The following KLHL7 variants were observed in gnomAD, a reference collection of about 807,000 sequenced individuals.
The protein encoded by KLHL7 is kelch-like protein 7.
In KLHL7, 44 loss-of-function variants were observed where a neutral mutation model predicts 67.4. The ratio of observed to expected loss-of-function variants is 0.65; its 90% CI spans 0.51 to 0.84. The LOEUF (loss-of-function observed/expected upper bound fraction) is 0.84. Ranked by LOEUF, KLHL7 falls within the 40% of genes least tolerant of loss-of-function variation. The probability of loss-of-function intolerance (pLI) is 0.00; values close to 1 mark genes in which losing one functional copy is unlikely to be tolerated. For synonymous variants in KLHL7, 252 were observed against 243.3 expected (o/e 1.04, Z -0.33); for missense variants, 362 against 718.1 (o/e 0.50, Z 5.67).
intron 8 of KLHL7, 83 bp downstream of exon 8, chr7:23,166,021 GTAT>G (rs1784994865): frequency 1.1e-5 from 16 of 1,424,498 alleles, no homozygotes; most frequent in Non-Finnish European, 1.6e-5. Context: ...TAAACAGCTG[GTAT>G]TATTTGTCCA....
At chr7:23,169,113 T>C (rs1423270798) in intron 9 of KLHL7, among the ~76,000 whole-genome samples, 2 of 151,988 alleles carry the variant, frequency 1.3e-5, no homozygotes, top group African/African-American at 4.8e-5. Flanking sequence ...ATACAAAAAC[T>C]AGCTGGGTGT....
At chr7:23,124,540 A>G in intron 2 of KLHL7, 148 bp from the exon 3 acceptor site, 1 of 697,314 alleles carries the variant, frequency 1.4e-6, no homozygotes, top group Non-Finnish European at 2.6e-6. Context: ...CATTGACTAT[A>G]GAAATGTTGG....
intron 6 of KLHL7, among the ~76,000 whole-genome samples, chr7:23,151,830 GC>G (rs1201231913): frequency 1.3e-5 from 2 of 151,902 alleles, no homozygotes; most frequent in African/African-American, 4.8e-5. Flanking sequence ...CATAGTAGTT[GC>G]TTACTGGGTG....
chr7:23,162,794 T>A (rs1340646959), intron 7 of KLHL7, among the ~76,000 whole-genome samples: 1 of 152,202 alleles, frequency 6.6e-6, no homozygotes, highest in African/African-American at 2.4e-5. Context: ...AATAATGGCT[T>A]AAGAGAAAGT....
chr7:23,169,966 T>C lies in KLHL7; in HGVS notation c.1379+1929T>C, dbSNP rs554222835. ...GGTTCATACCTGTAATCCCAGCACT[T>C]TGGGAGGCCGAGGCTGGTGGATCGT... is the stretch of plus-strand genomic sequence containing the variant. On this transcript the variant is annotated intron_variant, in intron 9 of 10. Transcript: ENST00000339077. 2.0e-5 allele frequency among the ~76,000 whole-genome samples: 3 copies of C among 152,290 alleles called. No homozygotes were observed. The South Asian group carries it at 6.2e-4, about 32-fold the overall frequency.
At chr7:23,129,941 GGCATGTATAAGAATGTAT>G (rs544759811) in intron 4 of KLHL7, 2,558 of 152,754 alleles carry the variant, frequency 0.017, 37 homozygotes, top group Non-Finnish European at 0.027. Context: ...TAAGAATGTA[GGCATGTATAAGAATGTAT>G]GCATGTATAA....
intron 7 of KLHL7, among the ~76,000 whole-genome samples, chr7:23,165,300 A>T (rs905662771): frequency 6.6e-6 from 1 of 152,242 alleles, no homozygotes; most frequent in Non-Finnish European, 1.5e-5. Context: ...CTTATATCAC[A>T]CTATATATCT....
At chr7:23,171,229 G>A (rs1384527569) in intron 9 of KLHL7, 2 of 297,710 alleles carry the variant, frequency 6.7e-6, no homozygotes, top group Non-Finnish European at 1.4e-5. Context: ...CAGATAGCGG[G>A]GACCTAGTAT....
intron 4 of KLHL7, among the ~76,000 whole-genome samples, chr7:23,133,469 TCA>T (rs1246330954): frequency 1.3e-5 from 2 of 152,160 alleles, no homozygotes; most frequent in African/African-American, 4.8e-5. Flanking sequence ...CCTTGCTCTG[TCA>T]CCCAAGCTGG....
At chr7:23,111,675 A>C (rs1048171081) in intron 1 of KLHL7, among the ~76,000 whole-genome samples, 8 of 152,070 alleles carry the variant, frequency 5.3e-5, no homozygotes, top group African/African-American at 1.7e-4. Flanking sequence ...ACAAAAAATT[A>C]GCCAGGCATA....
chr7:23,124,139 C>T lies in KLHL7; in HGVS notation c.223+260C>T, dbSNP rs187756423. Among the ~76,000 whole-genome samples, 175 of 121,014 alleles carry T rather than the reference C, an allele frequency of 1.4e-3. 1 individual carries two copies. The highest frequency in any genetic ancestry group is 4.9e-3 in the African/African-American group (151 of 31,036). 79.4% of individuals were successfully genotyped at this position (121,014 alleles called of 152,430 possible). A position where few individuals can be genotyped will look rare whatever the true frequency, so the allele number is the denominator to read the frequency against. On this transcript the variant is annotated intron_variant, in intron 2 of 10. Coordinates refer to ENST00000339077, the MANE Select transcript of KLHL7 (RefSeq NM_001031710.3). ...GGTTGAGGTGGAGGTTGCAGTGAGCCGAGATTGCACCACTGCACTCCATCC... is the reference window on the plus strand; with the variant it reads ...GGTTGAGGTGGAGGTTGCAGTGAGCTGAGATTGCACCACTGCACTCCATCC...
rs900917944 is a variant in KLHL7 at position 23,124,170 on chromosome 7, G to A, written c.223+291G>A. The stretch of plus-strand genomic sequence containing the variant: ...TGCACCACTGCACTCCATCCTGGGC[G>A]TCAGAGCGAGACTCTGTCTCAAAAA... On this transcript the variant is annotated intron_variant, in intron 2 of 10. Transcript: ENST00000339077. Among the ~76,000 whole-genome samples the A allele has an allele frequency of 3.3e-5, 4 of 120,030 alleles. No individual in the cohort carries two copies. The East Asian group carries it at 7.9e-4, about 24-fold the overall frequency. The allele number at this position is 120,030 out of a possible 152,430, so 78.7% of individuals were successfully genotyped here.
chr7:23,146,313 T>C (rs541279708), intron 6 of KLHL7, among the ~76,000 whole-genome samples: 1 of 152,222 alleles, frequency 6.6e-6, no homozygotes, highest in Non-Finnish European at 1.5e-5. Context: ...TTGCTTTTCA[T>C]TGGTGTCTCC....
rs77839805 is a variant in KLHL7, at chr7:23,130,693, T to C, written c.442+5521T>C. ...TATTTTTTCATCTGTTACTCAGGTT[T>C]AGAAATGTATGTTTTAAGATCTACT... On this transcript the variant is annotated intron_variant, in intron 4 of 10. Transcript: ENST00000339077. Among the ~76,000 whole-genome samples the C allele has an allele frequency of 6.7e-3, 1,022 of 152,304 alleles. 11 individuals carry two copies. Among genetic ancestry groups the C allele is most frequent in the African/African-American group, 0.024 (988 of 41,564 alleles).
chr7:23,120,932 G>A (rs10263110), intron 1 of KLHL7, among the ~76,000 whole-genome samples: 69,267 of 152,066 alleles, frequency 0.46, 17,998 homozygotes, highest in African/African-American at 0.72. Flanking sequence ...CCTCCCATCT[G>A]GCTGTAATTT....
intron 7 of KLHL7, among the ~76,000 whole-genome samples, chr7:23,164,367 G>A (rs555288795): frequency 6.6e-6 from 1 of 152,182 alleles, no homozygotes; most frequent in Non-Finnish European, 1.5e-5. Flanking sequence ...TAGATATGAA[G>A]AACATTTAAG....
intron 1 of KLHL7, among the ~76,000 whole-genome samples, chr7:23,112,799 G>A (rs1054537504): frequency 4.6e-5 from 7 of 152,342 alleles, no homozygotes; most frequent in African/African-American, 1.7e-4. Context: ...AGAATATGAG[G>A]AAATTCTGGC....
chr7:23,140,578 CAAAAAA>C (rs5882887), intron 4 of KLHL7, 185 bp from the exon 5 acceptor site: 5 of 607,218 alleles, frequency 8.2e-6, no homozygotes, highest in African/African-American at 7.8e-5. Context: ...AAACAAAAAA[CAAAAAA>C]AAAACCAGTC....
intron 1 of KLHL7, among the ~76,000 whole-genome samples, chr7:23,111,442 AT>A (rs1230270599): frequency 6.6e-6 from 1 of 152,178 alleles, no homozygotes; most frequent in African/African-American, 2.4e-5. Context: ...AAGTTAGGTG[AT>A]TTGCCCTTAT....
Sources: gnomAD v4.1 joint callset for allele counts (sites outside exome capture counted in the v4.1 genomes callset) on GRCh38, gnomAD v4.1.1 for gene constraint, MANE v1.5 for transcripts, NCBI Gene and HGNC (gene_info 2026-07-23, HGNC 2026-07-21) for gene names.